GRPR: variants seen among roughly 807,000 people sequenced by gnomAD.
GRPR encodes gastrin releasing peptide receptor.
A neutral mutation model predicts 15.6 loss-of-function variants in GRPR; 4 were observed. That is an observed-to-expected ratio of 0.26 (90% CI 0.13 to 0.59). The LOEUF (loss-of-function observed/expected upper bound fraction) is 0.59. Among genes scored for constraint, GRPR ranks in the 20% least tolerant of loss-of-function variants. The pLI is 0.90. For synonymous variants in GRPR, 128 were observed against 126.8 expected, an observed-to-expected ratio of 1.01 and a Z score of -0.06; for missense variants, 270 against 304.1, an observed-to-expected ratio of 0.89 and a Z score of 0.83.
intron 1 of GRPR, among the ~76,000 whole-genome samples, chrX:16,144,600 A>G (rs1922578330): frequency 8.9e-6 from 1 of 112,139 alleles, no homozygotes; most frequent in Non-Finnish European, 1.9e-5. Context: ...TTTCCAACCC[A>G]GAGTGTGGCA....
At chrX:16,126,624 C>G (rs1156807998) in intron 1 of GRPR, among the ~76,000 whole-genome samples, 1 of 112,112 alleles carries the variant, frequency 8.9e-6, no homozygotes, top group Non-Finnish European at 1.9e-5. Flanking sequence ...GAGGCAATCA[C>G]TATTCTGATT....
At chrX:16,148,458 G>A (rs192951350) in intron 1 of GRPR, among the ~76,000 whole-genome samples, 38 of 111,458 alleles carry the variant, frequency 3.4e-4, no homozygotes, top group African/African-American at 1.2e-3. Flanking sequence ...TGAGTGAGGA[G>A]TCAGGGTGCA....
At chrX:16,127,558 C>T (rs921117195) in intron 1 of GRPR, among the ~76,000 whole-genome samples, 1 of 111,299 alleles carries the variant, frequency 9.0e-6, no homozygotes, top group Non-Finnish European at 1.9e-5. Flanking sequence ...GTGTCCCACC[C>T]GCTCTCCAGA....
chrX:16,124,429 C>T, intron 1 of GRPR, 63 bp downstream of exon 1: 1 of 1,019,299 alleles, frequency 9.8e-7, no homozygotes, highest in Non-Finnish European at 1.4e-6. Context: ...AAATGAACTA[C>T]CATGTCGGGA....
intron 1 of GRPR, among the ~76,000 whole-genome samples, chrX:16,135,378 CTTCT>C (rs1922433330): frequency 8.9e-6 from 1 of 112,114 alleles, no homozygotes; most frequent in Non-Finnish European, 1.9e-5. Flanking sequence ...CTTTCTTTGT[CTTCT>C]TTCTCTTTTT....
At chrX:16,152,121 G>A (rs1922716941) in intron 2 of GRPR, 135 bp from the exon 3 acceptor site, 3 of 559,263 alleles carry the variant, frequency 5.4e-6, no homozygotes, top group African/African-American at 4.6e-5. Context: ...ACTCTTTTTC[G>A]GTGGCTTTGT....
At chrX:16,131,055 CTAAT>C (rs755189054) in intron 1 of GRPR, among the ~76,000 whole-genome samples, 97 of 112,236 alleles carry the variant, frequency 8.6e-4, no homozygotes, top group Non-Finnish European at 1.6e-3. Flanking sequence ...TTTTATGTGA[CTAAT>C]TAAGTATCAT....
At position 16,150,676 on chromosome X, in the gene GRPR, T is replaced by G; in HGVS notation, c.765+20T>G. 2.2e-6 allele frequency: 2 copies of G among 923,254 alleles called. No homozygotes were observed. Among genetic ancestry groups the G allele is most frequent in the Non-Finnish European group, 3.2e-6 (2 of 632,065 alleles). The allele number at this position is 923,254 out of a possible 1,213,427, so 76.1% of individuals were successfully genotyped here. The stretch of plus-strand genomic sequence containing the variant: ...AAGCAGGTAGGTGCTCAGGATTGAT[T>G]CATTTCCTCCTTGGGGATATAATCC... On this transcript the variant is annotated intron_variant, in intron 2 of 2. Coordinates refer to ENST00000380289, the MANE Select transcript of GRPR (RefSeq NM_005314.3).
intron 1 of GRPR, among the ~76,000 whole-genome samples, chrX:16,143,897 A>T (rs1922566262): frequency 8.9e-6 from 1 of 111,892 alleles, no homozygotes; most frequent in Non-Finnish European, 1.9e-5. Flanking sequence ...CTTGTCGGTA[A>T]AGAATTGTCT....
chrX:16,126,165 T>C (rs938028493), intron 1 of GRPR, among the ~76,000 whole-genome samples: 1 of 111,785 alleles, frequency 8.9e-6, no homozygotes, highest in Non-Finnish European at 1.9e-5. Context: ...CTCCAGTGTG[T>C]TCCCAGTAAG....
rs1437495479 is a variant in GRPR, at chrX:16,123,714, T to C, written c.-240T>C. On this transcript the variant is annotated 5_prime_UTR_variant, in exon 1 of 3. Transcript: ENST00000380289. ...TTTTTGTGGCTAAGTTTTGTTGTTG[T>C]TAACTTATTGAATTTAGAGTTGTAT... The C allele has an allele frequency of 2.5e-6, 1 of 405,558 alleles. No individual in the cohort carries two copies. The highest frequency in any genetic ancestry group is 4.3e-6 in the Non-Finnish European group (1 of 233,161). The allele number at this position is 405,558 out of a possible 1,213,427, so 33.4% of individuals were successfully genotyped here.
At position 16,152,257 on chromosome X, in the gene GRPR, T is replaced by C. The variant is rs1271915830; in HGVS notation, c.767T>C (p.Ile256Thr). 4 of 1,202,472 alleles carry C rather than the reference T, an allele frequency of 3.3e-6. No individual in the cohort carries two copies. The highest frequency in any genetic ancestry group is 3.5e-5 in the African/African-American group (2 of 56,751). The part of the protein sequence containing the change: ...VEGNIHVKKQ[I>T]ESRKRLAKTV... ...CTCTCCATGTGATTCTCTCCTTAGA[T>C]TGAATCCCGGAAGCGACTTGCCAAG... is the stretch of plus-strand genomic sequence containing the variant. The change falls in exon 3 of 3, where the codon ATT becomes ACT. Residue 256 changes from isoleucine to threonine, a missense_variant and splice_region_variant. Transcript: ENST00000380289.
chrX:16,152,550 A>T lies in GRPR; in HGVS notation c.1060A>T (p.Ser354Cys), dbSNP rs1196680612. The change falls in exon 3 of 3, where the codon AGT becomes TGT. Residue 354 changes from serine to cysteine, a missense_variant. Coordinates refer to ENST00000380289, the MANE Select transcript of GRPR (RefSeq NM_005314.3). ...CATCCGGTCTCACAGCACTGGAAGG[A>T]GTACAACCTGCATGACCTCCCTCAA... ...LIIRSHSTGR[S>C]TTCMTSLKST... is the part of the protein sequence containing the mutation. 5 of 1,204,736 alleles carry T rather than the reference A, an allele frequency of 4.2e-6. No homozygotes were observed. The highest frequency in any genetic ancestry group is 2.2e-5 in the Admixed American group (1 of 45,826).
At chrX:16,125,047 T>A (rs1338840424) in intron 1 of GRPR, among the ~76,000 whole-genome samples, 1 of 112,462 alleles carries the variant, frequency 8.9e-6, no homozygotes, top group Non-Finnish European at 1.9e-5. Flanking sequence ...ATACTTCATA[T>A]ACCATGCTTT....
intron 1 of GRPR, among the ~76,000 whole-genome samples, chrX:16,126,499 C>A (rs926764690): frequency 9.0e-6 from 1 of 111,552 alleles, no homozygotes; most frequent in Non-Finnish European, 1.9e-5. Flanking sequence ...CAAGTAACAG[C>A]TCAATATATT....
At chrX:16,131,252 C>T (rs1019217427) in intron 1 of GRPR, among the ~76,000 whole-genome samples, 4 of 110,974 alleles carry the variant, frequency 3.6e-5, no homozygotes, top group East Asian at 5.6e-4. Context: ...GTGGGGTTTG[C>T]GTAAATTCTC....
chrX:16,129,479 C>G (rs1922345510), intron 1 of GRPR, among the ~76,000 whole-genome samples: 1 of 111,879 alleles, frequency 8.9e-6, no homozygotes, highest in Admixed American at 9.4e-5. Context: ...GCAGAGGGCT[C>G]TATTGGACAG....
At chrX:16,135,454 G>A (rs144083117) in intron 1 of GRPR, among the ~76,000 whole-genome samples, 1 of 111,874 alleles carries the variant, frequency 8.9e-6, no homozygotes, top group African/African-American at 3.2e-5. Context: ...AAGATTACAT[G>A]GGAAAGAAGT....
chrX:16,145,024 A>AAAAAGTCAGG (rs1319086840), intron 1 of GRPR, among the ~76,000 whole-genome samples: 1 of 111,865 alleles, frequency 8.9e-6, no homozygotes, highest in Admixed American at 9.5e-5. Context: ...GAAAATTAAG[A>AAAAAGTCAGG]AAAAGTCAGG....
Sources: allele counts gnomAD v4.1 joint callset (sites outside exome capture counted in the v4.1 genomes callset), GRCh38; gene constraint gnomAD v4.1.1; transcripts MANE v1.5; gene names NCBI Gene and HGNC (gene_info 2026-07-23, HGNC 2026-07-21).